RAB23: variants seen among roughly 807,000 people sequenced by gnomAD.
RAB23 encodes RAB23, member RAS oncogene family.
RAB23 carries 15 observed loss-of-function variants against 30.0 expected under a neutral mutation model. That is an observed-to-expected ratio of 0.50 (90% CI 0.33 to 0.77). The LOEUF is 0.77. Ranked by LOEUF, RAB23 falls within the 30% of genes least tolerant of loss-of-function variation. The probability of loss-of-function intolerance (pLI) is 0.02; values close to 1 mark genes in which losing one functional copy is unlikely to be tolerated. For synonymous variants in RAB23, 93 were observed against 94.0 expected, an observed-to-expected ratio of 0.99 and a Z score of 0.06; for missense variants, 243 against 275.4, an observed-to-expected ratio of 0.88 and a Z score of 0.83.
intron 3 of RAB23, among the ~76,000 whole-genome samples, chr6:57,202,733 T>C (rs985936744): frequency 1.3e-5 from 2 of 152,212 alleles, no homozygotes; most frequent in African/African-American, 4.8e-5. Context: ...CAGTACGAAA[T>C]TCCTTTTATT....
chr6:57,195,604 T>C (rs991925881), intron 4 of RAB23, among the ~76,000 whole-genome samples: 1 of 152,200 alleles, frequency 6.6e-6, no homozygotes, highest in South Asian at 2.1e-4. Context: ...TTGCTCTTTC[T>C]TGGATCACCC....
chr6:57,218,703 T>C (rs1442827580), intron 1 of RAB23, among the ~76,000 whole-genome samples: 1 of 151,820 alleles, frequency 6.6e-6, no homozygotes, highest in African/African-American at 2.4e-5. Flanking sequence ...ATACAAAAAA[T>C]TAACTGGGTG....
intron 3 of RAB23, among the ~76,000 whole-genome samples, chr6:57,206,615 G>A (rs931522725): frequency 1.3e-5 from 2 of 152,076 alleles, no homozygotes; most frequent in Admixed American, 1.3e-4. Flanking sequence ...AAGGTGCCGA[G>A]GTTTTGGAAG....
At chr6:57,208,944 A>G (rs1010207004) in intron 2 of RAB23, among the ~76,000 whole-genome samples, 3 of 152,184 alleles carry the variant, frequency 2.0e-5, no homozygotes, top group Admixed American at 6.5e-5. Flanking sequence ...TTCACGACCA[A>G]CAGCACTATA....
At chr6:57,219,106 A>G (rs1765956630) in intron 1 of RAB23, among the ~76,000 whole-genome samples, 1 of 152,238 alleles carries the variant, frequency 6.6e-6, no homozygotes, top group Admixed American at 6.5e-5. Context: ...CAAAAATTCA[A>G]AAACCAAACC....
At chr6:57,205,961 C>T (rs1367203530) in intron 3 of RAB23, among the ~76,000 whole-genome samples, 1 of 152,182 alleles carries the variant, frequency 6.6e-6, no homozygotes, top group Admixed American at 6.5e-5. Flanking sequence ...CACAAAAGAG[C>T]TCTTTTGGAA....
intron 3 of RAB23, among the ~76,000 whole-genome samples, chr6:57,205,537 T>A (rs901394447): frequency 6.6e-6 from 1 of 152,024 alleles, no homozygotes; most frequent in Non-Finnish European, 1.5e-5. Context: ...AAATGCTACA[T>A]AGAGTGATAA....
chr6:57,198,090 A>G (rs1400466661), intron 3 of RAB23, among the ~76,000 whole-genome samples: 1 of 152,078 alleles, frequency 6.6e-6, no homozygotes, highest in Non-Finnish European at 1.5e-5. Context: ...AACAGGTTTT[A>G]ATCCAAATAA....
intron 4 of RAB23, 61 bp downstream of exon 4, chr6:57,196,389 A>C: frequency 3.1e-6 from 5 of 1,593,182 alleles, no homozygotes; most frequent in Non-Finnish European, 4.3e-6. Context: ...CTATGCAAAA[A>C]TTAAGATGTC....
At chr6:57,205,824 C>T (rs1246703745) in intron 3 of RAB23, among the ~76,000 whole-genome samples, 2 of 152,072 alleles carry the variant, frequency 1.3e-5, no homozygotes, top group East Asian at 1.9e-4. Context: ...GTTTTAACCA[C>T]GAAAGTGATT....
Position 57,190,520 on chromosome 6 carries a change from G to A in RAB23, c.655C>T (p.Pro219Ser), listed in dbSNP as rs778080260. 7.4e-6 allele frequency: 12 copies of A among 1,613,834 alleles called. No homozygotes were observed. The highest frequency in any genetic ancestry group is 1.0e-5 in the Non-Finnish European group (12 of 1,179,900). The change falls in exon 7 of 7, where the codon CCC (proline) becomes TCC (serine). Residue 219 changes from proline to serine, a missense_variant. Coordinates refer to ENST00000468148, the MANE Select transcript of RAB23 (RefSeq NM_016277.5). The stretch of plus-strand genomic sequence containing the variant: ...TTTTTCTTGGTCCTTTGTTTGTTGG[G>A]TCTAAGATTGATGACATCTCCACCA... ...LNGGDVINLR[P>S]NKQRTKKNRN...
chr6:57,194,545 GATA>G (rs1002777208), intron 5 of RAB23, among the ~76,000 whole-genome samples: 1 of 151,894 alleles, frequency 6.6e-6, no homozygotes, highest in Non-Finnish European at 1.5e-5. Flanking sequence ...ATTTTTCAAA[GATA>G]ATAATAAAAA....
At position 57,222,139 on chromosome 6, in the gene RAB23, G is replaced by T. The variant is rs1766088164; in HGVS notation, c.-479C>A. ...GCCAGCTCTCCCTGCGGGGCCGAGCGGCTAGTTCGCACCCTCTTTCGCTCT... is the reference window on the plus strand; with the variant it reads ...GCCAGCTCTCCCTGCGGGGCCGAGCTGCTAGTTCGCACCCTCTTTCGCTCT... On this transcript the variant is annotated 5_prime_UTR_variant, in exon 1 of 7. Coordinates refer to ENST00000468148, the MANE Select transcript of RAB23 (RefSeq NM_016277.5). 6.6e-6 allele frequency: 1 copy of T among 152,254 alleles called. No individual in the cohort carries two copies. Among genetic ancestry groups the T allele is most frequent in the Non-Finnish European group, 1.5e-5 (1 of 68,068 alleles). The allele number at this position is 152,254 out of a possible 1,614,324, so 9.4% of individuals were successfully genotyped here. A position where few individuals can be genotyped will look rare whatever the true frequency, so the allele number is the denominator to read the frequency against.
rs1371438415 is a variant in RAB23 at position 57,210,371 on chromosome 6, C to T, written c.10G>A (p.Glu4Lys). Residue 4 changes from glutamate (E) to lysine (K), a missense_variant, in exon 2 of 7, where the codon GAA (glutamate) becomes AAA (lysine). Coordinates refer to ENST00000468148, the MANE Select transcript of RAB23 (RefSeq NM_016277.5). MLE[E>K]DMEVAIKMVV... Reference sequence around the variant, plus strand: ...ATCTTTATGGCGACTTCCATATCTTCCTCCAACATTTTTGGAGCTGAAATG... The same window carrying T: ...ATCTTTATGGCGACTTCCATATCTTTCTCCAACATTTTTGGAGCTGAAATG... 2 of 1,614,072 alleles carry T rather than the reference C, an allele frequency of 1.2e-6. No homozygotes were observed. The highest frequency in any genetic ancestry group is 4.5e-5 in the East Asian group (2 of 44,884).
chr6:57,189,885 T>C lies in RAB23; in HGVS notation c.*576A>G, dbSNP rs796246517. The C allele has an allele frequency of 1.1e-4, 17 of 156,708 alleles. No individual in the cohort carries two copies. The highest frequency in any genetic ancestry group is 4.1e-4 in the African/African-American group (17 of 41,592). 9.7% of individuals were successfully genotyped at this position (156,708 alleles called of 1,614,324 possible). ...TTAGAATGTACATTTTCTTAAATACTGCACATACCTTCAGCTTACTCCAGT... is the reference window on the plus strand; with the variant it reads ...TTAGAATGTACATTTTCTTAAATACCGCACATACCTTCAGCTTACTCCAGT... On this transcript the variant is annotated 3_prime_UTR_variant, in exon 7 of 7. Coordinates refer to ENST00000468148, the MANE Select transcript of RAB23 (RefSeq NM_016277.5).
At position 57,188,888 on chromosome 6, in the gene RAB23, T is replaced by C. The variant is rs1403930094; in HGVS notation, c.*1573A>G. The C allele has an allele frequency of 6.6e-6, 1 of 152,062 alleles. No homozygotes were observed. The highest frequency in any genetic ancestry group is 2.1e-4 in the South Asian group (1 of 4,818). 9.4% of individuals were successfully genotyped at this position (152,062 alleles called of 1,614,324 possible). On this transcript the variant is annotated 3_prime_UTR_variant, in exon 7 of 7. Transcript: ENST00000468148. The stretch of plus-strand genomic sequence containing the variant: ...CCAGGAAATTTGATTTTCTCAACAT[T>C]AGGAGGATGAGGGGAGTACAGATGG...
In RAB23 at chr6:57,187,467, C is replaced by T. The variant is rs527347107; in HGVS notation, c.*2994G>A. ...CTTAACAGTTAAAAACTGAGTAAGT[C>T]CTGTTCATTAGGTAGGTGCCATGTG... On this transcript the variant is annotated 3_prime_UTR_variant, in exon 7 of 7. Coordinates refer to ENST00000468148, the MANE Select transcript of RAB23 (RefSeq NM_016277.5). 1 of 152,172 alleles carries T rather than the reference C, an allele frequency of 6.6e-6. No homozygotes were observed. Among genetic ancestry groups the T allele is most frequent in the South Asian group, 2.1e-4 (1 of 4,818 alleles). The allele number at this position is 152,172 out of a possible 1,614,324, so 9.4% of individuals were successfully genotyped here.
At position 57,188,571 on chromosome 6, in the gene RAB23, T is replaced by TAAAG. The variant is rs146039378; in HGVS notation, c.*1886_*1889dup. On this transcript the variant is annotated 3_prime_UTR_variant, in exon 7 of 7. Coordinates refer to ENST00000468148, the MANE Select transcript of RAB23 (RefSeq NM_016277.5). ...GCAAAGTATTATTTTGTGCAAAAAT[T>TAAAG]AAAGAGGAGAGTAGAGAGTAGAAAA... 1 of 152,000 alleles carries TAAAG rather than the reference T, an allele frequency of 6.6e-6. No individual in the cohort carries two copies. Among genetic ancestry groups the TAAAG allele is most frequent in the South Asian group, 2.1e-4 (1 of 4,822 alleles). 9.4% of individuals were successfully genotyped at this position (152,000 alleles called of 1,614,324 possible).
At position 57,204,971 on chromosome 6, in the gene RAB23, TACAC is replaced by T. The variant is rs1469269435; in HGVS notation, c.241+2653_241+2656del. Among the ~76,000 whole-genome samples, 4 of 151,852 alleles carry T rather than the reference TACAC, an allele frequency of 2.6e-5. No homozygotes were observed. The East Asian group carries it at 5.8e-4, about 22-fold the overall frequency. On this transcript the variant is annotated intron_variant, in intron 3 of 6. Coordinates refer to ENST00000468148, the MANE Select transcript of RAB23 (RefSeq NM_016277.5). ...ATATAGATATATGTGTATATACACA[TACAC>T]ATACATATGTGTACATATGTACAGA... is the stretch of plus-strand genomic sequence containing the variant.
Sources: gnomAD v4.1 joint callset for allele counts (sites outside exome capture counted in the v4.1 genomes callset) on GRCh38, gnomAD v4.1.1 for gene constraint, MANE v1.5 for transcripts, NCBI Gene and HGNC (gene_info 2026-07-23, HGNC 2026-07-21) for gene names.